Variants in DLGAP2 observed in about 807,000 individuals in gnomAD.
The protein encoded by DLGAP2 is DLG associated protein 2, also known as disks large-associated protein 2.
In DLGAP2, 26 loss-of-function variants were observed where a neutral mutation model predicts 100.3. The observed-to-expected ratio is 0.26, with a 90% CI of 0.19 to 0.36. DLGAP2 has a LOEUF of 0.36. DLGAP2 is among the 10% of genes least tolerant of loss of function. The pLI is 1.00. For missense variants in DLGAP2, 1,858 were observed against 1,453.2 expected (o/e 1.28, Z -4.53); for synonymous variants, 886 against 630.1 (o/e 1.41, Z -6.08).
chr8:1,550,225 C>T (rs1253496327), intron 5 of DLGAP2, among the ~76,000 whole-genome samples: 1 of 152,198 alleles, frequency 6.6e-6, no homozygotes, highest in Admixed American at 6.5e-5. Context: ...GTAGTGTCCC[C>T]TGTGTATGTA....
chr8:1,136,214 C>A (rs981543543), intron 2 of DLGAP2, among the ~76,000 whole-genome samples: 1 of 152,128 alleles, frequency 6.6e-6, no homozygotes, highest in African/African-American at 2.4e-5. Flanking sequence ...GGGTTCTGCT[C>A]CCTTAGGCAC....
intron 1 of DLGAP2, among the ~76,000 whole-genome samples, chr8:756,402 T>G (rs953873364): frequency 6.6e-6 from 1 of 152,216 alleles, no homozygotes; most frequent in East Asian, 1.9e-4. Flanking sequence ...ACATTGAGAA[T>G]GTTCTCTGAT....
At chr8:802,208 G>T (rs1187067041) in intron 1 of DLGAP2, among the ~76,000 whole-genome samples, 1 of 149,378 alleles carries the variant, frequency 6.7e-6, no homozygotes, top group African/African-American at 2.5e-5. Context: ...ACTCCTCCTG[G>T]GCCCTCCATC....
At chr8:946,326 C>A (rs542899118) in intron 2 of DLGAP2, among the ~76,000 whole-genome samples, 1 of 149,542 alleles carries the variant, frequency 6.7e-6, no homozygotes, top group Non-Finnish European at 1.5e-5. Flanking sequence ...TGCAGTGGTG[C>A]GATCTGGGCT....
At chr8:1,467,764 G>T (rs1031137638) in intron 3 of DLGAP2, among the ~76,000 whole-genome samples, 1 of 152,170 alleles carries the variant, frequency 6.6e-6, no homozygotes, top group East Asian at 1.9e-4. Context: ...CAGAGTGGCA[G>T]AGACCACCGT....
At chr8:999,486 T>C (rs77179835) in intron 2 of DLGAP2, among the ~76,000 whole-genome samples, 3,627 of 151,698 alleles carry the variant, frequency 0.024, 136 homozygotes, top group African/African-American at 0.083. Context: ...TTTTCTTTTT[T>C]TTTTTTTTTC....
chr8:777,149 T>C (rs1382493652), intron 1 of DLGAP2, among the ~76,000 whole-genome samples: 1 of 152,212 alleles, frequency 6.6e-6, no homozygotes, highest in Admixed American at 6.5e-5. Flanking sequence ...TCAAGTCTGC[T>C]TTATCAGAGA....
intron 2 of DLGAP2, among the ~76,000 whole-genome samples, chr8:1,117,664 C>A (rs1336996534): frequency 6.6e-6 from 1 of 152,188 alleles, no homozygotes; most frequent in African/African-American, 2.4e-5. Context: ...CATTCTTACC[C>A]TGTGGTTGCC....
intron 8 of DLGAP2, among the ~76,000 whole-genome samples, chr8:1,650,814 C>T (rs1225829235): frequency 6.9e-6 from 1 of 144,376 alleles, no homozygotes. Context: ...GACACAGAAG[C>T]TTGGGTGACA....
At chr8:1,662,872 G>T (rs1798442472) in intron 8 of DLGAP2, among the ~76,000 whole-genome samples, 1 of 150,314 alleles carries the variant, frequency 6.7e-6, no homozygotes, top group Non-Finnish European at 1.5e-5. Flanking sequence ...GTGAGTGTGG[G>T]GTGTGTGCGC....
chr8:927,182 A>G, intron 2 of DLGAP2: 5 of 985,442 alleles, frequency 5.1e-6, no homozygotes, highest in Non-Finnish European at 4.8e-6. Context: ...GGGAGTGTTC[A>G]GGAAAACTCC....
At chr8:881,666 A>ATGTATATATATATATAT in intron 1 of DLGAP2, among the ~76,000 whole-genome samples, 56 of 130,976 alleles carry the variant, frequency 4.3e-4, no homozygotes, top group South Asian at 7.2e-4. Context: ...CTTGTGGCTG[A>ATGTATATATATATATAT]ACACACACAC....
At chr8:1,189,082 G>A (rs1403785587) in intron 2 of DLGAP2, among the ~76,000 whole-genome samples, 2 of 147,470 alleles carry the variant, frequency 1.4e-5, no homozygotes, top group African/African-American at 2.7e-5. Flanking sequence ...GCCCCAGGCC[G>A]GTTCCGCGGT....
intron 1 of DLGAP2, among the ~76,000 whole-genome samples, chr8:881,636 A>C: frequency 1.1e-5 from 1 of 94,316 alleles, no homozygotes. Context: ...AGTAGCTGGG[A>C]TTATAGGCGC....
chr8:1,430,939 T>C (rs1188112556), intron 3 of DLGAP2, among the ~76,000 whole-genome samples: 1 of 152,228 alleles, frequency 6.6e-6, no homozygotes, highest in African/African-American at 2.4e-5. Flanking sequence ...TGACTGTCTC[T>C]GGGGTTCTGG....
intron 2 of DLGAP2, among the ~76,000 whole-genome samples, chr8:1,079,596 C>T (rs1026027258): frequency 1.3e-5 from 2 of 152,160 alleles, no homozygotes; most frequent in African/African-American, 4.8e-5. Context: ...TTCTAATGGT[C>T]ATGTGTTTAT....
intron 2 of DLGAP2, among the ~76,000 whole-genome samples, chr8:1,167,164 G>A (rs10086277): frequency 0.74 from 112,172 of 151,302 alleles, 42,867 homozygotes; most frequent in Non-Finnish European, 0.83. Context: ...AAAACAATTT[G>A]TAAAAGCCTC....
intron 3 of DLGAP2, among the ~76,000 whole-genome samples, chr8:1,264,261 A>T (rs1463739822): frequency 1.3e-5 from 2 of 152,134 alleles, no homozygotes; most frequent in Non-Finnish European, 2.9e-5. Flanking sequence ...CCTGAGATGC[A>T]ATCCCAGAAA....
intron 2 of DLGAP2, among the ~76,000 whole-genome samples, chr8:1,009,916 C>G (rs553725252): frequency 1.3e-5 from 2 of 152,180 alleles, no homozygotes; most frequent in African/African-American, 4.8e-5. Context: ...TTTTCATTAA[C>G]AAGCCAGTAA....
Sources: allele counts gnomAD v4.1 joint callset (sites outside exome capture counted in the v4.1 genomes callset), GRCh38; gene constraint gnomAD v4.1.1; transcripts MANE v1.5; gene names NCBI Gene and HGNC (gene_info 2026-07-23, HGNC 2026-07-21).